FZD3: variants seen among roughly 807,000 people sequenced by gnomAD.
FZD3 encodes frizzled-3.
A neutral mutation model predicts 60.7 loss-of-function variants in FZD3; 30 were observed. The observed-to-expected ratio is 0.49, with a 90% CI of 0.37 to 0.67. The LOEUF is 0.67. Ranked by LOEUF, FZD3 falls within the 30% of genes least tolerant of loss-of-function variation. FZD3 has a pLI of 0.00. For missense variants in FZD3, 605 were observed against 838.7 expected, an observed-to-expected ratio of 0.72 and a Z score of 3.44; for synonymous variants, 246 against 275.2, an observed-to-expected ratio of 0.89 and a Z score of 1.05.
chr8:28,555,741 A>G lies in FZD3; in HGVS notation c.1557A>G (p.Ile519Met), dbSNP rs149711708. 18 of 1,578,946 alleles carry G rather than the reference A, an allele frequency of 1.1e-5. No homozygotes were observed. In the African/African-American group the frequency reaches 1.5e-4, roughly 13 times the overall value. Residue 519 changes from isoleucine (I) to methionine (M), a missense_variant, in exon 7 of 8, where the codon ATA becomes ATG. Ile to Met is a conservative substitution (Grantham distance 10, BLOSUM62 1). Coordinates refer to ENST00000240093, the MANE Select transcript of FZD3 (RefSeq NM_017412.4). ...SFFHGRRKKE[I>M]VNESRQVLQE... ...AACTTACTATTTTGTTGTCTAGGATAGTGAATGAGAGCCGACAGGTACTCC... is the reference window on the plus strand; with the variant it reads ...AACTTACTATTTTGTTGTCTAGGATGGTGAATGAGAGCCGACAGGTACTCC...
At chr8:28,561,550 C>G (rs552289123) in intron 7 of FZD3, among the ~76,000 whole-genome samples, 5 of 151,138 alleles carry the variant, frequency 3.3e-5, no homozygotes, top group African/African-American at 1.2e-4. Flanking sequence ...CGCTTTCTGA[C>G]AGCCAACAGA....
At chr8:28,512,448 G>A (rs1423108926) in intron 3 of FZD3, among the ~76,000 whole-genome samples, 4 of 151,408 alleles carry the variant, frequency 2.6e-5, no homozygotes, top group Non-Finnish European at 5.9e-5. Flanking sequence ...GACCAACATT[G>A]GTTGTTCCTG....
chr8:28,530,424 C>G (rs1441368420), intron 5 of FZD3: 6 of 152,030 alleles, frequency 3.9e-5, no homozygotes, highest in Admixed American at 6.6e-5. Context: ...TATGGTCACA[C>G]CACCCTGAAT....
Position 28,494,868 on chromosome 8 carries a change from C to G in FZD3, c.-391+525C>G, listed in dbSNP as rs188722437. 9.7e-3 allele frequency among the ~76,000 whole-genome samples: 1,476 copies of G among 152,218 alleles called. 10 individuals carry two copies. Among genetic ancestry groups the G allele is most frequent in the African/African-American group, 0.022 (921 of 41,556 alleles). On this transcript the variant is annotated intron_variant, in intron 1 of 7. Coordinates refer to ENST00000240093, the MANE Select transcript of FZD3 (RefSeq NM_017412.4). ...CCCGAAGCGCGCGCCGCCAGGCTCC[C>G]GGCCCCGGCTCGGGTCAGCTTCGGG...
In FZD3 at chr8:28,550,019, T is replaced by G. The variant is rs12677251; in HGVS notation, c.1405-1584T>G. Among the ~76,000 whole-genome samples the G allele has an allele frequency of 4.7e-3, 717 of 152,248 alleles. 25 individuals are homozygous for G. The East Asian group carries it at 0.091, about 19-fold the overall frequency. Reference sequence around the variant, plus strand: ...TATGGAGGCTTTGTTAAGTACAATTTTATGCTTGCTTTATATAAATAATTT... The same window carrying G: ...TATGGAGGCTTTGTTAAGTACAATTGTATGCTTGCTTTATATAAATAATTT... On this transcript the variant is annotated intron_variant, in intron 5 of 7. Transcript: ENST00000240093.
Position 28,555,901 on chromosome 8 carries a change from A to G in FZD3, c.1717A>G (p.Ser573Gly). The change falls in exon 7 of 8, where the codon AGC (serine) becomes GGC (glycine). Residue 573 changes from serine to glycine, a missense_variant. Transcript: ENST00000240093. ...GCTGGCTATGGTGGATGATCAAAGA[A>G]GCAAAGCAGGAAGCATCCACAGCAA... ...TQLAMVDDQR[S>G]KAGSIHSKVS... 6.2e-7 allele frequency: 1 copy of G among 1,614,152 alleles called. No homozygotes were observed. The highest frequency in any genetic ancestry group is 8.5e-7 in the Non-Finnish European group (1 of 1,180,002).
chr8:28,500,533 A>G (rs886452805), intron 2 of FZD3, among the ~76,000 whole-genome samples: 2 of 152,222 alleles, frequency 1.3e-5, no homozygotes, highest in African/African-American at 4.8e-5. Context: ...TGTTGTTACT[A>G]TATGCGTATT....
chr8:28,546,032 A>G (rs763788412), intron 5 of FZD3, among the ~76,000 whole-genome samples: 25 of 152,226 alleles, frequency 1.6e-4, no homozygotes, highest in Non-Finnish European at 2.1e-4. Context: ...CTGCTGTACA[A>G]GTTTGTAGCC....
chr8:28,561,348 C>T (rs1252519207), intron 7 of FZD3, among the ~76,000 whole-genome samples: 2 of 152,094 alleles, frequency 1.3e-5, no homozygotes, highest in Non-Finnish European at 2.9e-5. Flanking sequence ...TGAGCCACTG[C>T]GCCCGGCCAA....
At chr8:28,543,139 T>G (rs1355064846) in intron 5 of FZD3, among the ~76,000 whole-genome samples, 1 of 152,252 alleles carries the variant, frequency 6.6e-6, no homozygotes, top group Non-Finnish European at 1.5e-5. Flanking sequence ...ACAATTGTTC[T>G]AATTCTGCAA....
intron 5 of FZD3, among the ~76,000 whole-genome samples, chr8:28,544,614 A>C (rs1372464851): frequency 6.6e-6 from 1 of 152,164 alleles, no homozygotes; most frequent in African/African-American, 2.4e-5. Context: ...ATGTTTTGTC[A>C]ATTTTGATTA....
chr8:28,547,563 G>A (rs969074494), intron 5 of FZD3, among the ~76,000 whole-genome samples: 1 of 152,026 alleles, frequency 6.6e-6, no homozygotes, highest in Non-Finnish European at 1.5e-5. Context: ...TCAGACTTTT[G>A]GATCTTACCT....
intron 5 of FZD3, among the ~76,000 whole-genome samples, chr8:28,548,374 C>T (rs909528008): frequency 1.6e-4 from 24 of 152,138 alleles, no homozygotes; most frequent in African/African-American, 5.8e-4. Context: ...TGCAGTGGCG[C>T]GATGCAGCCT....
intron 7 of FZD3, among the ~76,000 whole-genome samples, chr8:28,556,510 G>T (rs554794708): frequency 6.6e-6 from 1 of 152,192 alleles, no homozygotes; most frequent in Non-Finnish European, 1.5e-5. Flanking sequence ...GCCTATCTCA[G>T]TGAGTACCTC....
intron 1 of FZD3, among the ~76,000 whole-genome samples, chr8:28,499,558 A>G (rs2130260987): frequency 6.6e-6 from 1 of 152,138 alleles, no homozygotes; most frequent in African/African-American, 2.4e-5. Context: ...AATTGTGTAC[A>G]TTTTAAGGGC....
At chr8:28,547,856 C>CT (rs1336981470) in intron 5 of FZD3, among the ~76,000 whole-genome samples, 3,387 of 141,768 alleles carry the variant, frequency 0.024, 105 homozygotes, top group East Asian at 0.095. Flanking sequence ...ACAGTTGTCT[C>CT]TTTTTTTTTT....
rs1277573927 is a variant in FZD3 at position 28,572,543 on chromosome 8, A to G, written c.*9532A>G. On this transcript the variant is annotated 3_prime_UTR_variant, in exon 8 of 8. Coordinates refer to ENST00000240093, the MANE Select transcript of FZD3 (RefSeq NM_017412.4). ...AGTATATATGTTACATAAGACTTTC[A>G]CTAAATCTGTGCGTAAAGCTTTTAT... 6.6e-6 allele frequency: 1 copy of G among 152,202 alleles called. No individual in the cohort carries two copies. Among genetic ancestry groups the G allele is most frequent in the African/African-American group, 2.4e-5 (1 of 41,454 alleles). The allele number at this position is 152,202 out of a possible 1,614,324, so 9.4% of individuals were successfully genotyped here. A position where few individuals can be genotyped will look rare whatever the true frequency, so the allele number is the denominator to read the frequency against.
intron 1 of FZD3, among the ~76,000 whole-genome samples, chr8:28,494,564 GC>G (rs1430063059): frequency 1.3e-5 from 2 of 151,990 alleles, no homozygotes; most frequent in African/African-American, 2.4e-5. Context: ...CGGAGCGGGG[GC>G]CCGGGCCCGC....
intron 5 of FZD3, among the ~76,000 whole-genome samples, chr8:28,542,884 T>G (rs1805204097): frequency 6.6e-6 from 1 of 152,194 alleles, no homozygotes; most frequent in African/African-American, 2.4e-5. Context: ...GCACTCAGTA[T>G]TTAAGTGACT....
Sources: allele counts gnomAD v4.1 joint callset (sites outside exome capture counted in the v4.1 genomes callset), GRCh38; gene constraint gnomAD v4.1.1; transcripts MANE v1.5; gene names NCBI Gene and HGNC (gene_info 2026-07-23, HGNC 2026-07-21).